Variants in LRRC69 observed in about 807,000 individuals in gnomAD.
LRRC69 encodes leucine-rich repeat-containing protein 69.
In LRRC69, 42 loss-of-function variants were observed where a neutral mutation model predicts 37.8. That is an observed-to-expected ratio of 1.11 (90% CI 0.87 to 1.44). The LOEUF (loss-of-function observed/expected upper bound fraction) is 1.44, where lower values mean the gene tolerates loss of function less well. LRRC69 is among the 40% of genes most tolerant of loss of function. The pLI is 0.00. For missense variants in LRRC69, 357 were observed against 401.9 expected, an observed-to-expected ratio of 0.89 and a Z score of 0.96; for synonymous variants, 141 against 143.1, an observed-to-expected ratio of 0.99 and a Z score of 0.11.
chr8:91,193,040 G>C (rs2130615627), intron 6 of LRRC69, among the ~76,000 whole-genome samples: 1 of 150,454 alleles, frequency 6.6e-6, no homozygotes, highest in Non-Finnish European at 1.5e-5. Context: ...TGTAAGGAAG[G>C]GATCCAGTTT....
chr8:91,211,450 G>T (rs1193295128), intron 7 of LRRC69, among the ~76,000 whole-genome samples: 2 of 151,052 alleles, frequency 1.3e-5, no homozygotes, highest in Non-Finnish European at 1.5e-5. Context: ...TTTAAATGCC[G>T]TTCATAAGTT....
exon 3 of LRRC69, chr8:91,127,117 C>T: frequency 6.5e-7 from 1 of 1,548,716 alleles, no homozygotes; most frequent in African/African-American, 1.4e-5. Context: ...CCTGCTTAAT[C>T]TGAACAACAA....
intron 5 of LRRC69, among the ~76,000 whole-genome samples, chr8:91,161,000 T>C (rs1176063645): frequency 6.6e-6 from 1 of 151,334 alleles, no homozygotes; most frequent in African/African-American, 2.4e-5. Flanking sequence ...GTTTTTATCA[T>C]GACAAGGTGT....
At chr8:91,166,508 A>C (rs552044470) in intron 5 of LRRC69, among the ~76,000 whole-genome samples, 8 of 151,222 alleles carry the variant, frequency 5.3e-5, no homozygotes, top group Middle Eastern at 3.4e-3. Flanking sequence ...AAAAAAAAAA[A>C]AAAAAAAACC....
intron 3 of LRRC69, among the ~76,000 whole-genome samples, chr8:91,127,366 T>C (rs1813734755): frequency 6.6e-6 from 1 of 151,912 alleles, no homozygotes; most frequent in South Asian, 2.1e-4. Flanking sequence ...ATGATAATCT[T>C]AGTGTAAACA....
At chr8:91,142,770 T>A (rs1808552382) in intron 5 of LRRC69, among the ~76,000 whole-genome samples, 1 of 152,040 alleles carries the variant, frequency 6.6e-6, no homozygotes, top group South Asian at 2.1e-4. Flanking sequence ...GACTTTTGGC[T>A]ACACTGTCAG....
chr8:91,211,288 T>C (rs901663166), intron 7 of LRRC69, among the ~76,000 whole-genome samples: 2 of 152,046 alleles, frequency 1.3e-5, no homozygotes, highest in Non-Finnish European at 2.9e-5. Flanking sequence ...AAGTATATGA[T>C]AGTAAAAAAG....
chr8:91,181,846 A>G (rs1809331076), intron 5 of LRRC69, among the ~76,000 whole-genome samples: 1 of 152,190 alleles, frequency 6.6e-6, no homozygotes, highest in Non-Finnish European at 1.5e-5. Flanking sequence ...CAAGGGATGT[A>G]ACTAGACTGT....
intron 5 of LRRC69, among the ~76,000 whole-genome samples, chr8:91,155,536 C>T (rs377633810): frequency 2.0e-5 from 3 of 150,916 alleles, no homozygotes; most frequent in South Asian, 4.1e-4. Context: ...CAATAAATTA[C>T]TAACTATAGT....
In LRRC69 at chr8:91,156,562, A is replaced by C. The variant is rs1411449906; in HGVS notation, c.651+20823A>C. Among the ~76,000 whole-genome samples the C allele has an allele frequency of 2.0e-5, 3 of 151,024 alleles. No individual in the cohort carries two copies. The East Asian group carries it at 5.8e-4, about 29-fold the overall frequency. On this transcript the variant is annotated intron_variant, in intron 5 of 7. Coordinates refer to ENST00000448384, the Ensembl canonical transcript of LRRC69. ...GTTGATTGTTTCCTTTAATATGCAG[A>C]AACTTTTAAGTTTGATATAATCATG...
At position 91,147,079 on chromosome 8, in the gene LRRC69, A is replaced by G. The variant is rs1189785586; in HGVS notation, c.651+11340A>G. ...TTCTCCAGGCTTTAATCCTAATAAA[A>G]TATATCTTTATCAAGTAGATTTTAG... On this transcript the variant is annotated intron_variant, in intron 5 of 7. Coordinates refer to ENST00000448384, the Ensembl canonical transcript of LRRC69. Among the ~76,000 whole-genome samples, 4 of 151,500 alleles carry G rather than the reference A, an allele frequency of 2.6e-5. No homozygotes were observed. The East Asian group carries it at 7.7e-4, about 29-fold the overall frequency.
chr8:91,118,520 C>T, intron 1 of LRRC69: 1 of 265,406 alleles, frequency 3.8e-6, no homozygotes, highest in Non-Finnish European at 7.4e-6. Flanking sequence ...CAGAGTGAGA[C>T]TGTCTCAAAA....
At chr8:91,199,189 A>G (rs1586282984) in intron 6 of LRRC69, among the ~76,000 whole-genome samples, 1 of 152,200 alleles carries the variant, frequency 6.6e-6, no homozygotes, top group East Asian at 1.9e-4. Context: ...CACCTATAAA[A>G]TCAGTATTTA....
At chr8:91,204,437 C>T (rs1389360603) in intron 7 of LRRC69, among the ~76,000 whole-genome samples, 1 of 152,230 alleles carries the variant, frequency 6.6e-6, no homozygotes, top group African/African-American at 2.4e-5. Flanking sequence ...TGGAAGATGA[C>T]AAACACCTTA....
intron 5 of LRRC69, among the ~76,000 whole-genome samples, chr8:91,147,426 T>C (rs1808642425): frequency 1.3e-5 from 2 of 151,230 alleles, no homozygotes. Flanking sequence ...AAAAAATCCA[T>C]CTGACTATTC....
chr8:91,196,673 C>T (rs1441530421), intron 6 of LRRC69, among the ~76,000 whole-genome samples: 12 of 151,974 alleles, frequency 7.9e-5, no homozygotes, highest in Admixed American at 2.0e-4. Context: ...CCGTAGTTCT[C>T]GAGCCTTGGT....
chr8:91,150,567 C>A (rs1393078921), intron 5 of LRRC69, among the ~76,000 whole-genome samples: 2 of 151,928 alleles, frequency 1.3e-5, no homozygotes, highest in African/African-American at 2.4e-5. Flanking sequence ...GTGTCTCTGC[C>A]AGGCTTTGGT....
At chr8:91,177,501 T>A (rs1809252719) in intron 5 of LRRC69, among the ~76,000 whole-genome samples, 1 of 152,212 alleles carries the variant, frequency 6.6e-6, no homozygotes, top group Non-Finnish European at 1.5e-5. Flanking sequence ...TAGTTCTACA[T>A]AATTATATAC....
chr8:91,128,439 A>G (rs1813756328), intron 3 of LRRC69, among the ~76,000 whole-genome samples: 1 of 152,052 alleles, frequency 6.6e-6, no homozygotes, highest in African/African-American at 2.4e-5. Flanking sequence ...CAGAGTGTAT[A>G]GGTCTATTCT....
Sources: gnomAD v4.1 joint callset for allele counts (sites outside exome capture counted in the v4.1 genomes callset) on GRCh38, gnomAD v4.1.1 for gene constraint, MANE v1.5 for transcripts, NCBI Gene and HGNC (gene_info 2026-07-23, HGNC 2026-07-21) for gene names.